Variants in CYP19A1 observed in about 807,000 individuals in gnomAD.
CYP19A1 encodes aromatase.
In CYP19A1, 32 loss-of-function variants were observed where a neutral mutation model predicts 44.4. The ratio of observed to expected loss-of-function variants is 0.72; its 90% CI spans 0.54 to 0.97. The LOEUF (loss-of-function observed/expected upper bound fraction) is 0.97. Among genes scored for constraint, CYP19A1 ranks in the 50% least tolerant of loss-of-function variants. The pLI, the probability that CYP19A1 is intolerant of heterozygous loss-of-function variation, is 0.00. For synonymous variants in CYP19A1, 212 were observed against 215.6 expected (o/e 0.98, Z 0.14); for missense variants, 598 against 637.8 (o/e 0.94, Z 0.67).
rs145444028 is a variant in CYP19A1 at position 51,281,712 on chromosome 15, G to GA, written c.-38-38763dup. Among the ~76,000 whole-genome samples, 973 of 148,474 alleles carry GA rather than the reference G, an allele frequency of 6.6e-3. 17 individuals carry two copies. Among genetic ancestry groups the GA allele is most frequent in the African/African-American group, 0.022 (901 of 40,504 alleles). ...GAATCTGAAGTAGAGATATATGCCA[G>GA]AAAAAAAAAAGAAAAGAATGATGCC... is the stretch of plus-strand genomic sequence containing the variant. On this transcript the variant is annotated intron_variant, in intron 1 of 9. Transcript: ENST00000396402.
At chr15:51,294,268 G>C (rs1480381664) in intron 1 of CYP19A1, among the ~76,000 whole-genome samples, 1 of 141,918 alleles carries the variant, frequency 7.0e-6, no homozygotes, top group Non-Finnish European at 1.5e-5. Flanking sequence ...AGGAAGTGAG[G>C]AGCGTCTCTG....
intron 3 of CYP19A1, among the ~76,000 whole-genome samples, chr15:51,230,936 A>G (rs984360725): frequency 2.0e-5 from 3 of 152,278 alleles, no homozygotes; most frequent in African/African-American, 7.2e-5. Context: ...ACAAACATTT[A>G]AAAACACTTG....
rs567159247 is a variant in CYP19A1 at position 51,221,961 on chromosome 15, GTATGTATGTATA to G, written c.628+376_628+387del. On this transcript the variant is annotated intron_variant, in intron 5 of 9. Coordinates refer to ENST00000396402, the MANE Select transcript of CYP19A1 (RefSeq NM_000103.4). ...GAGGAGTGTGTGTATATATGTGTGG[GTATGTATGTATA>G]TATGTATGTATATATCATGCCCAAA... 7.1e-4 allele frequency: 205 copies of G among 290,162 alleles called. 3 individuals carry two copies. The East Asian group carries it at 0.013, about 18-fold the overall frequency. 18.0% of individuals were successfully genotyped at this position (290,162 alleles called of 1,614,324 possible). A position where few individuals can be genotyped will look rare whatever the true frequency, so the allele number is the denominator to read the frequency against.
chr15:51,213,423 A>G (rs2031234183), intron 8 of CYP19A1, among the ~76,000 whole-genome samples: 1 of 152,198 alleles, frequency 6.6e-6, no homozygotes, highest in South Asian at 2.1e-4. Context: ...TCTCATATAC[A>G]ACGAAGCCAC....
rs1468327456 is a variant in CYP19A1, at chr15:51,326,749, T to C, written c.-39+11746A>G. ...ATGAGACCCAGGTTTAGGATAATGA[T>C]ACCATCTAACAAAATGAGACACAGG... On this transcript the variant is annotated intron_variant, in intron 1 of 9. Coordinates refer to ENST00000396402, the MANE Select transcript of CYP19A1 (RefSeq NM_000103.4). Among the ~76,000 whole-genome samples the C allele has an allele frequency of 2.6e-5, 4 of 152,328 alleles. No individual in the cohort carries two copies. The East Asian group carries it at 5.8e-4, about 22-fold the overall frequency.
chr15:51,326,741 G>T (rs544892438), intron 1 of CYP19A1, among the ~76,000 whole-genome samples: 1 of 152,300 alleles, frequency 6.6e-6, no homozygotes, highest in East Asian at 1.9e-4. Flanking sequence ...CCAGGTTTAG[G>T]ATAATGATAC....
Position 51,211,044 on chromosome 15 carries a change from A to T in CYP19A1, c.1276T>A (p.Tyr426Asn). The stretch of plus-strand genomic sequence containing the variant: ...GGCCCAAAGCCAAATGGCTGAAAGT[A>T]CCTATAAGGAACCTATGAAAATGAT... ...ENFAKNVPYRYFQPFGFGPRG... is the reference protein window; with the variant it reads ...ENFAKNVPYRNFQPFGFGPRG... The change falls in exon 10 of 10, where the codon TAC becomes AAC. Residue 426 changes from tyrosine (Y) to asparagine (N), a missense_variant. Transcript: ENST00000396402. The T allele has an allele frequency of 6.3e-7, 1 of 1,583,660 alleles. No individual in the cohort carries two copies. Among genetic ancestry groups the T allele is most frequent in the Non-Finnish European group, 8.7e-7 (1 of 1,152,386 alleles).
intron 8 of CYP19A1, among the ~76,000 whole-genome samples, chr15:51,213,702 T>C (rs2141037836): frequency 6.6e-6 from 1 of 152,334 alleles, no homozygotes; most frequent in Non-Finnish European, 1.5e-5. Flanking sequence ...AACATTAACA[T>C]GTACACGTAC....
intron 1 of CYP19A1, among the ~76,000 whole-genome samples, chr15:51,263,332 A>G (rs1464937746): frequency 6.6e-6 from 1 of 152,240 alleles, no homozygotes; most frequent in East Asian, 1.9e-4. Flanking sequence ...TGACCACGAC[A>G]AGAGCAGTTT....
In CYP19A1 at chr15:51,208,435, A is replaced by G. The variant is rs1417378620; in HGVS notation, c.*2373T>C. On this transcript the variant is annotated 3_prime_UTR_variant, in exon 10 of 10. Transcript: ENST00000396402. ...CATGCATTTCACTGATAATTTACAC[A>G]TTGCAGTTCTTTCAGAACTGATGAA... is the stretch of plus-strand genomic sequence containing the variant. 3 of 152,206 alleles carry G rather than the reference A, an allele frequency of 2.0e-5. No individual in the cohort carries two copies. The highest frequency in any genetic ancestry group is 4.4e-5 in the Non-Finnish European group (3 of 68,028). The allele number at this position is 152,206 out of a possible 1,614,324, so 9.4% of individuals were successfully genotyped here.
At chr15:51,318,316 A>G (rs764216982) in intron 1 of CYP19A1, 10 of 152,244 alleles carry the variant, frequency 6.6e-5, no homozygotes, top group Admixed American at 1.3e-4. Context: ...GTGGAGATGC[A>G]AAGCCATGTT....
chr15:51,278,635 C>A (rs2035410341), intron 1 of CYP19A1, among the ~76,000 whole-genome samples: 1 of 152,162 alleles, frequency 6.6e-6, no homozygotes, highest in Non-Finnish European at 1.5e-5. Flanking sequence ...TAGCCTTTAG[C>A]CAGATGTTTT....
chr15:51,242,818 G>A lies in CYP19A1; in HGVS notation c.95C>T (p.Thr32Ile). Residue 32 changes from threonine (T) to isoleucine (I), a missense_variant, in exon 2 of 10, where the codon ACT (threonine) becomes ATT (isoleucine). Coordinates refer to ENST00000396402, the MANE Select transcript of CYP19A1 (RefSeq NM_000103.4). ...ATTCCACACCAAGAGAAAAAGGCCA[G>A]TGAGGAGCAGGACTGGCATGGTGGC... is the stretch of plus-strand genomic sequence containing the variant. ...PAATMPVLLL[T>I]GLFLLVWNYE... 1 of 1,587,664 alleles carries A rather than the reference G, an allele frequency of 6.3e-7. No individual in the cohort carries two copies. The highest frequency in any genetic ancestry group is 8.7e-7 in the Non-Finnish European group (1 of 1,155,922).
intron 2 of CYP19A1, 129 bp from the exon 3 acceptor site, chr15:51,237,138 G>T (rs894730788): frequency 2.9e-6 from 3 of 1,050,736 alleles, no homozygotes; most frequent in South Asian, 2.9e-5. Flanking sequence ...TGTGAATCAC[G>T]AATAAAGTGA....
At chr15:51,261,020 T>C (rs2034696538) in intron 1 of CYP19A1, among the ~76,000 whole-genome samples, 1 of 152,122 alleles carries the variant, frequency 6.6e-6, no homozygotes, top group Non-Finnish European at 1.5e-5. Context: ...CTCCCACCTC[T>C]CCGGATCCAG....
intron 1 of CYP19A1, among the ~76,000 whole-genome samples, chr15:51,290,963 A>G (rs956852660): frequency 1.3e-5 from 2 of 152,274 alleles, no homozygotes; most frequent in East Asian, 1.9e-4. Context: ...GAGCATCATT[A>G]TGGCCCTAAA....
chr15:51,211,033 T>A lies in CYP19A1; in HGVS notation c.1287A>T (p.Pro429=), dbSNP rs374501416. 3 of 1,590,536 alleles carry A rather than the reference T, an allele frequency of 1.9e-6. No individual in the cohort carries two copies. The highest frequency in any genetic ancestry group is 2.6e-6 in the Non-Finnish European group (3 of 1,158,596). The change falls in exon 10 of 10, where the codon CCA becomes CCT. Residue 429 remains proline (P), a synonymous_variant. Transcript: ENST00000396402. ...AKNVPYRYFQ[P]FGFGPRGCAG... ...CACAGCCACGGGGCCCAAAGCCAAA[T>A]GGCTGAAAGTACCTATAAGGAACCT...
chr15:51,222,761 T>G (rs1286389855), intron 4 of CYP19A1, among the ~76,000 whole-genome samples: 1 of 152,242 alleles, frequency 6.6e-6, no homozygotes, highest in Non-Finnish European at 1.5e-5. Flanking sequence ...AAATATTATT[T>G]TAAACAAACT....
At chr15:51,274,519 T>C (rs2035236532) in intron 1 of CYP19A1, among the ~76,000 whole-genome samples, 1 of 152,198 alleles carries the variant, frequency 6.6e-6, no homozygotes, top group African/African-American at 2.4e-5. Context: ...TCATGCCAAA[T>C]GCAAGGCAGA....
Sources: allele counts gnomAD v4.1 joint callset (sites outside exome capture counted in the v4.1 genomes callset), GRCh38; gene constraint gnomAD v4.1.1; transcripts MANE v1.5; gene names NCBI Gene and HGNC (gene_info 2026-07-23, HGNC 2026-07-21).